SPIRE1: variants seen among roughly 807,000 people sequenced by gnomAD.
SPIRE1 encodes protein spire homolog 1.
Under a neutral mutation model 94.1 loss-of-function variants are expected in SPIRE1, and 40 were observed. The ratio of observed to expected loss-of-function variants is 0.43; its 90% confidence interval spans 0.33 to 0.55. SPIRE1 has a LOEUF of 0.55. SPIRE1 is among the 20% of genes least tolerant of loss of function. The pLI is 0.06. For synonymous variants in SPIRE1, 376 were observed against 371.7 expected (o/e 1.01, Z -0.13); for missense variants, 838 against 975.2 (o/e 0.86, Z 1.87).
intron 3 of SPIRE1, among the ~76,000 whole-genome samples, chr18:12,546,175 G>A (rs1456406194): frequency 2.0e-5 from 3 of 152,020 alleles, no homozygotes; most frequent in Non-Finnish European, 4.4e-5. Context: ...ATTTTTAGTA[G>A]AGACAGGGTT....
At chr18:12,566,884 G>T (rs1203381454) in intron 2 of SPIRE1, among the ~76,000 whole-genome samples, 2 of 152,072 alleles carry the variant, frequency 1.3e-5, no homozygotes, top group African/African-American at 2.4e-5. Context: ...AGCAGAAAAA[G>T]ATACTATGAG....
At chr18:12,529,925 C>A (rs550719521) in intron 4 of SPIRE1, among the ~76,000 whole-genome samples, 2 of 152,200 alleles carry the variant, frequency 1.3e-5, no homozygotes, top group Non-Finnish European at 2.9e-5. Context: ...TACTGTATTA[C>A]GAATTTATTC....
chr18:12,610,867 C>T (rs2037120307), intron 2 of SPIRE1, among the ~76,000 whole-genome samples: 1 of 152,254 alleles, frequency 6.6e-6, no homozygotes. Flanking sequence ...AGAACATCCA[C>T]AAACCTCCCA....
chr18:12,595,895 C>A (rs537600019), intron 2 of SPIRE1, among the ~76,000 whole-genome samples: 1 of 152,182 alleles, frequency 6.6e-6, no homozygotes, highest in Admixed American at 6.5e-5. Context: ...CACATTTATC[C>A]CACATCACCT....
intron 1 of SPIRE1, among the ~76,000 whole-genome samples, chr18:12,646,638 G>A (rs980562667): frequency 6.6e-6 from 1 of 151,952 alleles, no homozygotes; most frequent in South Asian, 2.1e-4. Context: ...TTATCTCTCC[G>A]AAATACAAGA....
intron 2 of SPIRE1, among the ~76,000 whole-genome samples, chr18:12,577,931 C>A (rs550138468): frequency 6.6e-6 from 1 of 152,190 alleles, no homozygotes; most frequent in Non-Finnish European, 1.5e-5. Context: ...AGAAGATATA[C>A]AAATGGCTTA....
chr18:12,452,639 G>A, intron 14 of SPIRE1, 127 bp from the exon 15 acceptor site: 1 of 951,792 alleles, frequency 1.1e-6, no homozygotes, highest in South Asian at 1.4e-5. Context: ...TCTTCTATTA[G>A]AATGTAACAA....
In SPIRE1 at chr18:12,488,230, T is replaced by C. The variant is rs575630266; in HGVS notation, c.1190-2230A>G. Among the ~76,000 whole-genome samples the C allele has an allele frequency of 2.0e-5, 3 of 152,352 alleles. No homozygotes were observed. The South Asian group carries it at 6.2e-4, about 32-fold the overall frequency. ...ATAAAGAGGGTAGAATAATTTGAGA[T>C]GTTAATTATTTTTCCTTGTAATTTT... is the stretch of plus-strand genomic sequence containing the variant. On this transcript the variant is annotated intron_variant, in intron 8 of 16. Transcript: ENST00000409402.
chr18:12,547,818 G>A (rs145040078), intron 2 of SPIRE1, among the ~76,000 whole-genome samples: 79 of 152,224 alleles, frequency 5.2e-4, no homozygotes, highest in African/African-American at 1.7e-3. Context: ...GGCGTGTGCC[G>A]GTAATCCCAG....
chr18:12,463,317 C>T, intron 12 of SPIRE1, 34 bp downstream of exon 12: 1 of 1,566,928 alleles, frequency 6.4e-7, no homozygotes, highest in Admixed American at 1.8e-5. Flanking sequence ...TCTAGCTGGT[C>T]CCTAAGTTAC....
In SPIRE1 at chr18:12,657,841, C is replaced by A; in HGVS notation, c.26G>T (p.Gly9Val). The part of the protein sequence containing the change: MAQAAGPA[G>V]GGEPRTEAVG... The stretch of plus-strand genomic sequence containing the variant: ...TGCCTCAGTCCGCGGCTCCCCGCCG[C>A]CCGCCGGGCCAGCCGCCTGAGCCAT... Residue 9 changes from glycine to valine, a missense_variant, in exon 1 of 17, where the codon GGC becomes GTC. Coordinates refer to ENST00000409402, the MANE Select transcript of SPIRE1 (RefSeq NM_001128626.2). The A allele has an allele frequency of 8.9e-7, 1 of 1,128,904 alleles. No homozygotes were observed. The highest frequency in any genetic ancestry group is 1.1e-6 in the Non-Finnish European group (1 of 925,686). 69.9% of individuals were successfully genotyped at this position (1,128,904 alleles called of 1,614,324 possible).
At chr18:12,532,985 G>A (rs1242327753) in intron 4 of SPIRE1, among the ~76,000 whole-genome samples, 1 of 152,192 alleles carries the variant, frequency 6.6e-6, no homozygotes, top group Non-Finnish European at 1.5e-5. Context: ...GAGATGTAGA[G>A]GAGAGATCGG....
At chr18:12,535,830 C>G (rs1030028710) in intron 3 of SPIRE1, among the ~76,000 whole-genome samples, 1 of 152,138 alleles carries the variant, frequency 6.6e-6, no homozygotes, top group South Asian at 2.1e-4. Flanking sequence ...TGGCACACAC[C>G]TGTAATCCCA....
At chr18:12,485,010 T>C (rs1390906741) in intron 9 of SPIRE1, among the ~76,000 whole-genome samples, 1 of 152,150 alleles carries the variant, frequency 6.6e-6, no homozygotes, top group Non-Finnish European at 1.5e-5. Context: ...TATTAATCTC[T>C]GTTTAACAGA....
intron 2 of SPIRE1, among the ~76,000 whole-genome samples, chr18:12,610,767 T>G (rs1158219107): frequency 1.3e-5 from 2 of 152,132 alleles, no homozygotes; most frequent in East Asian, 3.9e-4. Context: ...ACTTCTCTTC[T>G]TCCCTCCTGA....
At chr18:12,638,024 A>G (rs1485220551) in intron 1 of SPIRE1, among the ~76,000 whole-genome samples, 2 of 152,228 alleles carry the variant, frequency 1.3e-5, no homozygotes, top group East Asian at 3.8e-4. Flanking sequence ...GTATTTGACC[A>G]ACTACACAGG....
intron 2 of SPIRE1, among the ~76,000 whole-genome samples, chr18:12,574,069 T>C (rs112785966): frequency 0.016 from 2,503 of 152,278 alleles, 76 homozygotes; most frequent in African/African-American, 0.057. Context: ...TCAATATTGG[T>C]TCATGTAGTA....
intron 2 of SPIRE1, among the ~76,000 whole-genome samples, chr18:12,615,412 C>A (rs369644245): frequency 7.5e-6 from 1 of 132,806 alleles, no homozygotes; most frequent in African/African-American, 2.8e-5. Context: ...AGGCGGCGTG[C>A]GCCTGTAGTT....
At chr18:12,525,202 G>A (rs556443686) in intron 4 of SPIRE1, among the ~76,000 whole-genome samples, 319 of 144,288 alleles carry the variant, frequency 2.2e-3, no homozygotes, top group African/African-American at 7.1e-3. Flanking sequence ...GCGTGAACCC[G>A]GAAGGCGGAG....
Sources: gnomAD v4.1 joint callset for allele counts (sites outside exome capture counted in the v4.1 genomes callset) on GRCh38, gnomAD v4.1.1 for gene constraint, MANE v1.5 for transcripts, NCBI Gene and HGNC (gene_info 2026-07-23, HGNC 2026-07-21) for gene names.